GRHL2: variants seen among roughly 807,000 people sequenced by gnomAD.
GRHL2 encodes grainyhead-like protein 2 homolog.
GRHL2 carries 21 observed loss-of-function variants against 83.8 expected under a neutral mutation model. The ratio of observed to expected loss-of-function variants is 0.25; its 90% CI spans 0.18 to 0.36. GRHL2 has a LOEUF of 0.36. Among genes scored for constraint, GRHL2 ranks in the 10% least tolerant of loss-of-function variants. The pLI is 1.00. For synonymous variants in GRHL2, 280 were observed against 278.9 expected (o/e 1.00, Z -0.04); for missense variants, 623 against 781.8 (o/e 0.80, Z 2.42).
At chr8:101,595,401 T>C (rs951439365) in intron 7 of GRHL2, among the ~76,000 whole-genome samples, 1 of 152,256 alleles carries the variant, frequency 6.6e-6, no homozygotes, top group Non-Finnish European at 1.5e-5. Flanking sequence ...TGAACAAATT[T>C]TCTTGGTTTG....
intron 5 of GRHL2, among the ~76,000 whole-genome samples, chr8:101,571,508 AGT>A: frequency 1.4e-5 from 2 of 142,248 alleles, no homozygotes; most frequent in Non-Finnish European, 3.1e-5. Flanking sequence ...AAAAAAAAAG[AGT>A]GAGAGAGTGG....
intron 1 of GRHL2, chr8:101,528,594 A>G (rs1450338424): frequency 5.9e-6 from 1 of 168,572 alleles, no homozygotes; most frequent in Non-Finnish European, 1.3e-5. Flanking sequence ...GCATTTAGGT[A>G]TATTTGTGAC....
At chr8:101,547,543 G>A (rs531941732) in intron 2 of GRHL2, among the ~76,000 whole-genome samples, 2 of 152,228 alleles carry the variant, frequency 1.3e-5, no homozygotes, top group Admixed American at 6.5e-5. Context: ...TAAATTTCAA[G>A]GTCTTTTCAC....
intron 8 of GRHL2, among the ~76,000 whole-genome samples, chr8:101,611,282 G>A (rs965057920): frequency 1.3e-5 from 2 of 150,918 alleles, no homozygotes; most frequent in Admixed American, 1.3e-4. Context: ...GCTTTCTTAT[G>A]TTACATCTTC....
At chr8:101,605,414 T>A (rs974921600) in intron 8 of GRHL2, among the ~76,000 whole-genome samples, 6 of 152,398 alleles carry the variant, frequency 3.9e-5, no homozygotes, top group Non-Finnish European at 7.3e-5. Flanking sequence ...ATCTGATTTT[T>A]GTTTTAAGCC....
chr8:101,542,599 A>G (rs1811177448), intron 1 of GRHL2, among the ~76,000 whole-genome samples: 1 of 152,060 alleles, frequency 6.6e-6, no homozygotes, highest in Non-Finnish European at 1.5e-5. Flanking sequence ...CTTGGCCCCT[A>G]GAATGACTGG....
At chr8:101,594,089 A>G (rs1377739850) in intron 7 of GRHL2, among the ~76,000 whole-genome samples, 1 of 140,286 alleles carries the variant, frequency 7.1e-6, no homozygotes, top group Non-Finnish European at 1.5e-5. Flanking sequence ...AAAAAAAAAA[A>G]AAAAAAAAAG....
chr8:101,588,917 A>G (rs1812221295), intron 7 of GRHL2, among the ~76,000 whole-genome samples: 1 of 152,208 alleles, frequency 6.6e-6, no homozygotes, highest in Admixed American at 6.5e-5. Context: ...TTTATAAATT[A>G]TAGTCGGTTT....
intron 4 of GRHL2, among the ~76,000 whole-genome samples, chr8:101,563,336 C>A (rs572082545): frequency 9.2e-5 from 14 of 152,256 alleles, no homozygotes; most frequent in African/African-American, 2.6e-4. Context: ...AAACATTTGA[C>A]TGTCCTTGGT....
chr8:101,654,368 AC>A (rs1441167460), intron 14 of GRHL2, among the ~76,000 whole-genome samples: 1 of 152,244 alleles, frequency 6.6e-6, no homozygotes, highest in Non-Finnish European at 1.5e-5. Context: ...TGAGCTTAAC[AC>A]ATATAGTCAG....
intron 12 of GRHL2, among the ~76,000 whole-genome samples, chr8:101,640,907 CTCCCT>C (rs1813387912): frequency 6.6e-6 from 1 of 152,236 alleles, no homozygotes; most frequent in African/African-American, 2.4e-5. Context: ...ATACCATGAT[CTCCCT>C]TGGAACCACC....
chr8:101,599,493 C>T (rs1394865443), intron 8 of GRHL2, among the ~76,000 whole-genome samples: 1 of 152,210 alleles, frequency 6.6e-6, no homozygotes, highest in East Asian at 1.9e-4. Context: ...GAGAGAGGAG[C>T]TCAGAGCTGA....
At chr8:101,563,174 G>A (rs1428374870) in intron 4 of GRHL2, among the ~76,000 whole-genome samples, 1 of 152,110 alleles carries the variant, frequency 6.6e-6, no homozygotes, top group Non-Finnish European at 1.5e-5. Context: ...TGGTTATTTA[G>A]CAGTAAGTGG....
chr8:101,624,619 T>C (rs372689745), intron 9 of GRHL2, among the ~76,000 whole-genome samples: 5,138 of 40,184 alleles, frequency 0.13, 66 homozygotes, highest in Middle Eastern at 0.24. Context: ...CAGGACAGTT[T>C]ACAGTACACA....
chr8:101,569,679 C>T (rs77062136), intron 4 of GRHL2, among the ~76,000 whole-genome samples: 1,878 of 152,232 alleles, frequency 0.012, 38 homozygotes, highest in African/African-American at 0.043. Flanking sequence ...CTTTATTGTC[C>T]AGGCTGGTCT....
intron 9 of GRHL2, among the ~76,000 whole-genome samples, chr8:101,622,314 A>G (rs533586592): frequency 2.6e-5 from 4 of 152,322 alleles, no homozygotes; most frequent in African/African-American, 9.6e-5. Flanking sequence ...CAGAAACAAA[A>G]TAAACAAACC....
chr8:101,601,353 C>A (rs935121348), intron 8 of GRHL2, among the ~76,000 whole-genome samples: 1 of 152,100 alleles, frequency 6.6e-6, no homozygotes, highest in South Asian at 2.1e-4. Context: ...TCAATAGGGA[C>A]CTTTTATAGA....
chr8:101,595,884 G>C (rs201086468), intron 7 of GRHL2, among the ~76,000 whole-genome samples: 1 of 152,138 alleles, frequency 6.6e-6, no homozygotes, highest in Non-Finnish European at 1.5e-5. Flanking sequence ...ACTTTGGGAG[G>C]CCGAGGCGGG....
intron 4 of GRHL2, among the ~76,000 whole-genome samples, chr8:101,569,157 A>T (rs2130213963): frequency 6.6e-6 from 1 of 152,348 alleles, no homozygotes; most frequent in South Asian, 2.1e-4. Flanking sequence ...ATGCTTTTTC[A>T]TCAGTATTCT....
Sources: gnomAD v4.1 joint callset for allele counts (sites outside exome capture counted in the v4.1 genomes callset) on GRCh38, gnomAD v4.1.1 for gene constraint, MANE v1.5 for transcripts, NCBI Gene and HGNC (gene_info 2026-07-23, HGNC 2026-07-21) for gene names.